FYN: variants seen among roughly 807,000 people sequenced by gnomAD.
FYN encodes the protein FYN proto-oncogene, Src family tyrosine kinase.
In FYN, 10 loss-of-function variants were observed where a neutral mutation model predicts 70.2. That is an observed-to-expected ratio of 0.14 (90% CI 0.09 to 0.24). FYN has a LOEUF of 0.24. Ranked by LOEUF, FYN falls within the 10% of genes least tolerant of loss-of-function variation. The probability of loss-of-function intolerance (pLI) is 1.00; values close to 1 mark genes in which losing one functional copy is unlikely to be tolerated. For missense variants in FYN, 319 were observed against 673.1 expected, an observed-to-expected ratio of 0.47 and a Z score of 5.82; for synonymous variants, 236 against 248.6, an observed-to-expected ratio of 0.95 and a Z score of 0.48.
intron 3 of FYN, among the ~76,000 whole-genome samples, chr6:111,750,717 A>ATTT (rs71759856): frequency 0.011 from 1,436 of 130,720 alleles, 28 homozygotes; most frequent in African/African-American, 0.036. Context: ...AATTCATGTC[A>ATTT]TTTTTTTTTT....
chr6:111,729,487 A>G (rs1441720057), intron 3 of FYN, among the ~76,000 whole-genome samples: 38 of 148,204 alleles, frequency 2.6e-4, no homozygotes, highest in Admixed American at 2.3e-3. Flanking sequence ...AAAAAAAAAA[A>G]GGGGGTCGGG....
chr6:111,859,104 C>T (rs935749898), intron 1 of FYN, among the ~76,000 whole-genome samples: 1 of 152,152 alleles, frequency 6.6e-6, no homozygotes, highest in Middle Eastern at 3.2e-3. Context: ...TGTCACTCCT[C>T]TTCCGTACCT....
chr6:111,766,616 T>G (rs1397637261), intron 3 of FYN, among the ~76,000 whole-genome samples: 1 of 152,174 alleles, frequency 6.6e-6, no homozygotes, highest in African/African-American at 2.4e-5. Context: ...TGGGAAGGCC[T>G]CAGGAAACTT....
At chr6:111,847,050 C>T (rs777702406) in intron 1 of FYN, among the ~76,000 whole-genome samples, 58 of 152,190 alleles carry the variant, frequency 3.8e-4, no homozygotes, top group Non-Finnish European at 6.9e-4. Flanking sequence ...GATTAAAACA[C>T]CCCCAGCACC....
At chr6:111,850,005 T>C (rs1773639857) in intron 1 of FYN, among the ~76,000 whole-genome samples, 1 of 152,172 alleles carries the variant, frequency 6.6e-6, no homozygotes, top group Admixed American at 6.5e-5. Flanking sequence ...GTGCCATCTC[T>C]GGTGATGGCT....
chr6:111,801,833 G>T (rs1343748408), intron 2 of FYN, among the ~76,000 whole-genome samples: 2 of 152,168 alleles, frequency 1.3e-5, no homozygotes, highest in Admixed American at 1.3e-4. Flanking sequence ...AAATGGCTTT[G>T]CCTCCATCTC....
At chr6:111,743,654 G>A (rs1200909915) in intron 3 of FYN, among the ~76,000 whole-genome samples, 4 of 152,248 alleles carry the variant, frequency 2.6e-5, no homozygotes, top group South Asian at 4.1e-4. Context: ...AAGTGGGAAA[G>A]AAGGAACAGA....
chr6:111,683,683 T>C (rs1236104129), intron 12 of FYN, among the ~76,000 whole-genome samples: 1 of 151,532 alleles, frequency 6.6e-6, no homozygotes, highest in African/African-American at 2.4e-5. Context: ...CAATATTTAA[T>C]AGTATGCAAT....
At chr6:111,839,209 A>C (rs769047589) in intron 2 of FYN, among the ~76,000 whole-genome samples, 3 of 151,978 alleles carry the variant, frequency 2.0e-5, no homozygotes, top group African/African-American at 4.8e-5. Context: ...AGATTATCCA[A>C]ACTGCCTTCT....
At chr6:111,705,327 A>G (rs1378221627) in intron 6 of FYN, among the ~76,000 whole-genome samples, 2 of 152,038 alleles carry the variant, frequency 1.3e-5, no homozygotes, top group Admixed American at 1.3e-4. Context: ...TTGGATAAGT[A>G]AAGGCATTTA....
chr6:111,779,462 T>C (rs1032047698), intron 3 of FYN, among the ~76,000 whole-genome samples: 4 of 152,204 alleles, frequency 2.6e-5, no homozygotes, highest in African/African-American at 9.7e-5. Flanking sequence ...AATGGTATCA[T>C]CTACCCCCAC....
intron 12 of FYN, among the ~76,000 whole-genome samples, chr6:111,685,809 CA>C (rs1353217553): frequency 1.3e-5 from 2 of 152,086 alleles, no homozygotes; most frequent in Non-Finnish European, 2.9e-5. Flanking sequence ...AGGCTCTGCC[CA>C]AAACAGCACA....
intron 2 of FYN, among the ~76,000 whole-genome samples, chr6:111,818,329 C>T (rs1156480432): frequency 6.6e-6 from 1 of 152,142 alleles, no homozygotes; most frequent in African/African-American, 2.4e-5. Context: ...CAGCAGCACA[C>T]ACCCAACACA....
chr6:111,689,997 T>A (rs1304025712), intron 12 of FYN, among the ~76,000 whole-genome samples: 2 of 152,134 alleles, frequency 1.3e-5, no homozygotes, highest in East Asian at 3.8e-4. Context: ...TCTGAACTTG[T>A]TAGGTTTAAA....
intron 12 of FYN, among the ~76,000 whole-genome samples, chr6:111,676,925 A>G (rs1798550675): frequency 6.6e-6 from 1 of 152,220 alleles, no homozygotes; most frequent in South Asian, 2.1e-4. Context: ...ACCAACGGCA[A>G]TATCAGCCAG....
intron 12 of FYN, among the ~76,000 whole-genome samples, chr6:111,678,618 T>C (rs1372124791): frequency 1.3e-5 from 2 of 152,110 alleles, no homozygotes; most frequent in African/African-American, 4.8e-5. Flanking sequence ...ATAACCAATT[T>C]CCCTCTCAAT....
At chr6:111,700,461 C>T (rs868270895) in intron 8 of FYN, among the ~76,000 whole-genome samples, 193 bp from the exon 9 acceptor site, 8 of 152,184 alleles carry the variant, frequency 5.3e-5, no homozygotes, top group East Asian at 3.9e-4. Context: ...CACCAGCAGA[C>T]GACCACACAC....
At chr6:111,858,071 C>T (rs1031951971) in intron 1 of FYN, among the ~76,000 whole-genome samples, 8 of 152,220 alleles carry the variant, frequency 5.3e-5, no homozygotes, top group African/African-American at 1.9e-4. Context: ...CTAGATATCT[C>T]AGTACCTTTA....
chr6:111,780,405 A>G (rs1176291016), intron 3 of FYN, among the ~76,000 whole-genome samples, 161 bp downstream of exon 3: 7 of 152,216 alleles, frequency 4.6e-5, no homozygotes, highest in Non-Finnish European at 1.0e-4. Flanking sequence ...AAAGTATCAC[A>G]CTGTCAGAAA....
Sources: allele counts gnomAD v4.1 joint callset (sites outside exome capture counted in the v4.1 genomes callset), GRCh38; gene constraint gnomAD v4.1.1; transcripts MANE v1.5; gene names NCBI Gene and HGNC (gene_info 2026-07-23, HGNC 2026-07-21).